TCERG1L: variants seen among roughly 807,000 people sequenced by gnomAD.
TCERG1L encodes transcription elongation regulator 1 like.
Under a neutral mutation model 56.3 loss-of-function variants are expected in TCERG1L, and 37 were observed. The observed-to-expected ratio is 0.66, with a 90% CI of 0.51 to 0.87. TCERG1L has a LOEUF of 0.87. TCERG1L is among the 40% of genes least tolerant of loss of function. TCERG1L has a pLI of 0.00. For synonymous variants in TCERG1L, 324 were observed against 326.3 expected, an observed-to-expected ratio of 0.99 and a Z score of 0.08; for missense variants, 799 against 774.2, an observed-to-expected ratio of 1.03 and a Z score of -0.38.
rs1353901027 is a variant in TCERG1L at position 131,258,376 on chromosome 10, C to T, written c.856+1883G>A. 2.0e-5 allele frequency among the ~76,000 whole-genome samples: 3 copies of T among 152,342 alleles called. No individual in the cohort carries two copies. In the East Asian group the frequency reaches 5.8e-4, roughly 29 times the overall value. On this transcript the variant is annotated intron_variant, in intron 4 of 11. Transcript: ENST00000368642. Reference sequence around the variant, plus strand: ...TGGTTTTCTTCATGGGCATGACAGCCTTGCCCCGAGTCCAGAGGAGGCCGC... The same window carrying T: ...TGGTTTTCTTCATGGGCATGACAGCTTTGCCCCGAGTCCAGAGGAGGCCGC...
chr10:131,161,095 G>A (rs1336429866), intron 6 of TCERG1L: 1 of 152,342 alleles, frequency 6.6e-6, no homozygotes, highest in East Asian at 1.9e-4. Flanking sequence ...ATGTGCCGCA[G>A]AGTGACATTT....
At position 131,118,990 on chromosome 10, in the gene TCERG1L, G is replaced by T. The variant is rs1323930497; in HGVS notation, c.1260-2056C>A. Among the ~76,000 whole-genome samples, 1 of 152,136 alleles carries T rather than the reference G, an allele frequency of 6.6e-6. No homozygotes were observed. Among genetic ancestry groups the T allele is most frequent in the Non-Finnish European group, 1.5e-5 (1 of 68,026 alleles). ...GCACAGGACAGCCCCCACCACGCAG[G>T]CTCATGTGGCCCAAGTGGGTCTCCC... is the stretch of plus-strand genomic sequence containing the variant. On this transcript the variant is annotated intron_variant, in intron 8 of 11. Transcript: ENST00000368642. The surrounding 1 kb of genome is among the most constrained non-coding windows in gnomAD (Gnocchi z 4.2).
chr10:131,218,930 G>A (rs371150122), intron 4 of TCERG1L, among the ~76,000 whole-genome samples: 1 of 152,000 alleles, frequency 6.6e-6, no homozygotes, highest in African/African-American at 2.4e-5. Flanking sequence ...CAGCAAATCT[G>A]GTCACAGCTC....
chr10:131,204,119 G>C (rs1845489049), intron 4 of TCERG1L, among the ~76,000 whole-genome samples: 1 of 152,240 alleles, frequency 6.6e-6, no homozygotes. Context: ...CCTGCCATGG[G>C]AGGACACAGC....
At chr10:131,176,431 C>A (rs1303053023) in intron 4 of TCERG1L, among the ~76,000 whole-genome samples, 1 of 50,540 alleles carries the variant, frequency 2.0e-5, no homozygotes, top group African/African-American at 3.3e-5. Flanking sequence ...GACACATGTA[C>A]ACACAGAGAT....
At chr10:131,232,996 A>G (rs1287880824) in intron 4 of TCERG1L, among the ~76,000 whole-genome samples, 2 of 152,236 alleles carry the variant, frequency 1.3e-5, no homozygotes, top group African/African-American at 4.8e-5. Flanking sequence ...GTGGCTGCCA[A>G]TTTTAAATAT....
At chr10:131,139,560 C>T (rs1257073643) in intron 7 of TCERG1L, among the ~76,000 whole-genome samples, 1 of 152,160 alleles carries the variant, frequency 6.6e-6, no homozygotes, top group African/African-American at 2.4e-5. Flanking sequence ...CAATCTCTAA[C>T]ATGTTTGTGC....
chr10:131,295,781 A>C (rs1009131416), intron 3 of TCERG1L, among the ~76,000 whole-genome samples: 2 of 152,144 alleles, frequency 1.3e-5, no homozygotes, highest in Non-Finnish European at 2.9e-5. Flanking sequence ...TATATATTAC[A>C]TTGTTGTCAT....
chr10:131,184,575 T>A (rs1845216569), intron 4 of TCERG1L, among the ~76,000 whole-genome samples: 1 of 152,230 alleles, frequency 6.6e-6, no homozygotes, highest in African/African-American at 2.4e-5. Context: ...TACCAAGTAG[T>A]TGGCTCCTGG....
intron 8 of TCERG1L, among the ~76,000 whole-genome samples, chr10:131,124,241 C>T (rs1315179198): frequency 1.3e-5 from 2 of 152,256 alleles, no homozygotes; most frequent in Admixed American, 6.5e-5. Context: ...TCCTGAGCTG[C>T]GGGAGGCCCA....
At chr10:131,183,385 T>C (rs754582111) in intron 4 of TCERG1L, among the ~76,000 whole-genome samples, 23 of 152,344 alleles carry the variant, frequency 1.5e-4, no homozygotes, top group Admixed American at 4.6e-4. Context: ...TGAAGGTTCT[T>C]GTCTGAGATT....
intron 9 of TCERG1L, among the ~76,000 whole-genome samples, chr10:131,114,779 CAA>C (rs1845438969): frequency 6.6e-6 from 1 of 152,124 alleles, no homozygotes; most frequent in African/African-American, 2.4e-5. Flanking sequence ...ATTTCCAAAA[CAA>C]AGAGATGAAA....
At position 131,134,432 on chromosome 10, in the gene TCERG1L, C is replaced by A. The variant is rs538336643; in HGVS notation, c.1206G>T (p.Gly402=). The A allele has an allele frequency of 6.3e-7, 1 of 1,595,070 alleles. No individual in the cohort carries two copies. Among genetic ancestry groups the A allele is most frequent in the South Asian group, 1.1e-5 (1 of 87,360 alleles). The change falls in exon 8 of 12, where the codon GGG becomes GGT. Residue 402 remains glycine, a synonymous_variant. Coordinates refer to ENST00000368642, the MANE Select transcript of TCERG1L (RefSeq NM_174937.4). ...CTTCCCTGTTGTCTTCAGAACTGGA[C>A]CCATCGCTGTTGTCAGCTGAAAGAA... ...LEAPATDNSD[G]SSSEDNREDQ...
At chr10:131,145,201 G>A (rs541289052) in intron 7 of TCERG1L, among the ~76,000 whole-genome samples, 1 of 152,356 alleles carries the variant, frequency 6.6e-6, no homozygotes, top group South Asian at 2.1e-4. Context: ...CGTGGGATCT[G>A]AGGGTGTCCT....
At chr10:131,142,808 A>C (rs544834964) in intron 7 of TCERG1L, among the ~76,000 whole-genome samples, 1 of 152,264 alleles carries the variant, frequency 6.6e-6, no homozygotes, top group Non-Finnish European at 1.5e-5. Context: ...ACCATTCCCA[A>C]GCAATGTCCA....
chr10:131,107,904 C>T (rs1423097160), intron 9 of TCERG1L, among the ~76,000 whole-genome samples: 1 of 152,014 alleles, frequency 6.6e-6, no homozygotes, highest in Non-Finnish European at 1.5e-5. Flanking sequence ...TGCACAAATG[C>T]ACACATACGC....
chr10:131,217,708 CTTTTTTTTTTTTTTTT>C (rs534101797), intron 4 of TCERG1L, among the ~76,000 whole-genome samples: 1 of 79,046 alleles, frequency 1.3e-5, no homozygotes. Flanking sequence ...AGTAGCTGCC[CTTTTTTTTTTTTTTTT>C]TTTTTTTTTT....
intron 3 of TCERG1L, among the ~76,000 whole-genome samples, chr10:131,297,255 G>A (rs1247554889): frequency 6.6e-6 from 1 of 152,022 alleles, no homozygotes; most frequent in African/African-American, 2.4e-5. Flanking sequence ...AGTTACACAC[G>A]GTTTTTTGTA....
chr10:131,219,671 T>C (rs1845708624), intron 4 of TCERG1L, among the ~76,000 whole-genome samples: 1 of 152,202 alleles, frequency 6.6e-6, no homozygotes, highest in Non-Finnish European at 1.5e-5. Flanking sequence ...TCCCTTCCGA[T>C]GCTCTGAGGG....
Sources: gnomAD v4.1 joint callset for allele counts (sites outside exome capture counted in the v4.1 genomes callset) on GRCh38, gnomAD v4.1.1 for gene constraint, Gnocchi (gnomAD v3.1) non-coding constraint, MANE v1.5 for transcripts, NCBI Gene and HGNC (gene_info 2026-07-23, HGNC 2026-07-21) for gene names.